The following FHOD3 variants were observed in gnomAD, a reference collection of about 807,000 sequenced individuals.
FHOD3 encodes the protein formin homology 2 domain containing 3, also known as FH1/FH2 domain-containing protein 3.
In FHOD3, 90 loss-of-function variants were observed where a neutral mutation model predicts 173.0. The observed-to-expected ratio is 0.52, with a 90% confidence interval of 0.44 to 0.62. FHOD3 has a LOEUF of 0.62. Ranked by LOEUF, FHOD3 falls within the 20% of genes least tolerant of loss-of-function variation. The pLI, the probability that FHOD3 is intolerant of heterozygous loss-of-function variation, is 0.00. For synonymous variants in FHOD3, 828 were observed against 823.0 expected (o/e 1.01, Z -0.10); for missense variants, 1,945 against 2,034.7 (o/e 0.96, Z 0.85).
intron 2 of FHOD3, among the ~76,000 whole-genome samples, chr18:36,358,052 A>G (rs1053477299): frequency 1.3e-5 from 2 of 152,248 alleles, no homozygotes; most frequent in Non-Finnish European, 2.9e-5. Flanking sequence ...TTATCATACT[A>G]GTCATGTAAT....
Position 36,740,677 on chromosome 18 carries a change from A to G in FHOD3, c.3598A>G (p.Thr1200Ala). 1 of 1,613,760 alleles carries G rather than the reference A, an allele frequency of 6.2e-7. No individual in the cohort carries two copies. Among genetic ancestry groups the G allele is most frequent in the Non-Finnish European group, 8.5e-7 (1 of 1,179,952 alleles). Residue 1200 changes from threonine (T) to alanine (A), a missense_variant, in exon 21 of 29, where the codon ACC (threonine) becomes GCC (alanine). Physicochemically the swap from Thr to Ala is moderately conservative, Grantham distance 58 (BLOSUM62 0). Around this residue, in one of 5 missense-constraint regions of FHOD3, gnomAD observed 231 missense variants for 321.9 expected, o/e 0.72. Transcript: ENST00000590592. ...GIEKILTMIP[T>A]DEEKQKIQEA... is the part of the protein sequence containing the mutation. Reference sequence around the variant, plus strand: ...CCAGAAAATTCTAACGATGATTCCCACCGATGAGGAGAAGCAGAAAATCCA... The same window carrying G: ...CCAGAAAATTCTAACGATGATTCCCGCCGATGAGGAGAAGCAGAAAATCCA...
At chr18:36,406,089 G>GTTT (rs763484942) in intron 3 of FHOD3, among the ~76,000 whole-genome samples, 1 of 135,732 alleles carries the variant, frequency 7.4e-6, no homozygotes, top group Admixed American at 7.1e-5. Context: ...TTTTGTTTTT[G>GTTT]TTTTTGTTTT....
chr18:36,611,644 G>A (rs1465541890), intron 8 of FHOD3, among the ~76,000 whole-genome samples: 1 of 152,134 alleles, frequency 6.6e-6, no homozygotes, highest in African/African-American at 2.4e-5. Context: ...CATTACATCT[G>A]CAAAATCCCC....
intron 14 of FHOD3, among the ~76,000 whole-genome samples, chr18:36,679,474 G>T (rs1186845215): frequency 1.3e-5 from 2 of 151,832 alleles, no homozygotes. Flanking sequence ...CAATTGTTGA[G>T]CTGATCACTC....
In FHOD3 at chr18:36,323,991, T is replaced by C. The variant is rs145740489; in HGVS notation, c.165+25991T>C. 4.0e-3 allele frequency among the ~76,000 whole-genome samples: 606 copies of C among 152,370 alleles called. 4 individuals carry two copies. Among genetic ancestry groups the C allele is most frequent in the African/African-American group, 0.014 (583 of 41,590 alleles). On this transcript the variant is annotated intron_variant, in intron 1 of 28. Transcript: ENST00000590592. ...TTTGAAGTGAGCCCAGCATTCTCTGTTGATTTTCCCTGTGAGGAATTTGTT... is the reference window on the plus strand; with the variant it reads ...TTTGAAGTGAGCCCAGCATTCTCTGCTGATTTTCCCTGTGAGGAATTTGTT...
chr18:36,707,163 C>T (rs2039928238), intron 17 of FHOD3, among the ~76,000 whole-genome samples: 1 of 152,206 alleles, frequency 6.6e-6, no homozygotes. Context: ...CATTGGCTTC[C>T]TTCTGTAACT....
intron 8 of FHOD3, among the ~76,000 whole-genome samples, chr18:36,604,243 C>G (rs1312615132): frequency 6.6e-6 from 1 of 152,192 alleles, no homozygotes; most frequent in Non-Finnish European, 1.5e-5. Context: ...TGTGAGCCTG[C>G]AGGACCATCT....
At chr18:36,709,473 A>C in intron 18 of FHOD3, 82 bp downstream of exon 18, 1 of 1,461,872 alleles carries the variant, frequency 6.8e-7, no homozygotes, top group Non-Finnish European at 9.2e-7. Flanking sequence ...GCTTGTCCAC[A>C]GGCTGGCCTC....
At chr18:36,467,398 G>A (rs957265509) in intron 3 of FHOD3, among the ~76,000 whole-genome samples, 13 of 152,124 alleles carry the variant, frequency 8.5e-5, no homozygotes, top group Non-Finnish European at 1.6e-4. Context: ...GAGGGAGAGC[G>A]AACCATCCAG....
intron 16 of FHOD3, among the ~76,000 whole-genome samples, chr18:36,688,193 T>C (rs564596514): frequency 1.1e-4 from 17 of 152,336 alleles, no homozygotes; most frequent in African/African-American, 3.6e-4. Flanking sequence ...CAGCTCTTTA[T>C]AGCCTGCAGT....
At chr18:36,601,807 G>A (rs1022952135) in intron 7 of FHOD3, among the ~76,000 whole-genome samples, 2 of 152,136 alleles carry the variant, frequency 1.3e-5, no homozygotes, top group African/African-American at 4.8e-5. Flanking sequence ...TATTCATCTT[G>A]GGCCTAGAAA....
chr18:36,349,567 T>G (rs2046021820), intron 1 of FHOD3, among the ~76,000 whole-genome samples: 1 of 152,252 alleles, frequency 6.6e-6, no homozygotes, highest in Non-Finnish European at 1.5e-5. Context: ...AGAACGGTTC[T>G]GTGCAAATCT....
Position 36,431,190 on chromosome 18 carries a change from T to C in FHOD3, c.337+58446T>C, listed in dbSNP as rs2050531243. ...TGAACAAACATTTATATGAAAGATC[T>C]ATGTGTTTTAGTTGACTACATTTAT... is the stretch of plus-strand genomic sequence containing the variant. On this transcript the variant is annotated intron_variant, in intron 3 of 28. Coordinates refer to ENST00000590592, the MANE Select transcript of FHOD3 (RefSeq NM_001281740.3). 2.0e-5 allele frequency among the ~76,000 whole-genome samples: 3 copies of C among 152,268 alleles called. No homozygotes were observed. The South Asian group carries it at 6.2e-4, about 31-fold the overall frequency.
chr18:36,371,576 G>A (rs2047189109), intron 2 of FHOD3, among the ~76,000 whole-genome samples: 1 of 152,174 alleles, frequency 6.6e-6, no homozygotes, highest in South Asian at 2.1e-4. Context: ...TTTGGGTGGA[G>A]ACACAACCAA....
At chr18:36,533,280 G>A (rs946902331) in intron 5 of FHOD3, among the ~76,000 whole-genome samples, 10 of 152,228 alleles carry the variant, frequency 6.6e-5, no homozygotes, top group Admixed American at 2.6e-4. Context: ...GAGCATGTGC[G>A]ACGCATTTGG....
At chr18:36,743,923 A>G (rs557206874) in intron 22 of FHOD3, 109 bp from the exon 23 acceptor site, 2 of 1,249,076 alleles carry the variant, frequency 1.6e-6, no homozygotes, top group African/African-American at 1.5e-5. Flanking sequence ...CTTCAGCCAC[A>G]GAGAAACTGA....
chr18:36,387,526 A>G (rs1023482992), intron 3 of FHOD3, among the ~76,000 whole-genome samples: 3 of 152,210 alleles, frequency 2.0e-5, no homozygotes, highest in African/African-American at 7.2e-5. Context: ...ATCAATCTTT[A>G]TTCAGTGTCT....
At chr18:36,630,192 ACT>A (rs916827505) in intron 10 of FHOD3, among the ~76,000 whole-genome samples, 3 of 152,078 alleles carry the variant, frequency 2.0e-5, no homozygotes, top group Non-Finnish European at 4.4e-5. Flanking sequence ...GTCAAAATTG[ACT>A]CTTTTTCAGA....
At chr18:36,602,799 G>C (rs376174040) in intron 8 of FHOD3, 31 bp downstream of exon 8, 1 of 1,522,948 alleles carries the variant, frequency 6.6e-7, no homozygotes, top group African/African-American at 1.4e-5. Flanking sequence ...GTTGAATTGC[G>C]TCACCTAAAA....
Sources: gnomAD v4.1 joint callset for allele counts (sites outside exome capture counted in the v4.1 genomes callset) on GRCh38, gnomAD v4.1.1 for gene constraint, gnomAD v4.1.1 regional missense constraint, MANE v1.5 for transcripts, NCBI Gene and HGNC (gene_info 2026-07-23, HGNC 2026-07-21) for gene names.